GRIA4: variants seen among roughly 807,000 people sequenced by gnomAD.
GRIA4 encodes glutamate ionotropic receptor AMPA type subunit 4.
Under a neutral mutation model 104.0 loss-of-function variants are expected in GRIA4, and 34 were observed. The ratio of observed to expected loss-of-function variants is 0.33; its 90% CI spans 0.25 to 0.44. The LOEUF (loss-of-function observed/expected upper bound fraction) is 0.44, where lower values mean the gene tolerates loss of function less well. GRIA4 is among the 20% of genes least tolerant of loss of function. GRIA4 has a pLI of 1.00. For synonymous variants in GRIA4, 386 were observed against 381.9 expected (o/e 1.01, Z -0.13); for missense variants, 750 against 1,096.5 (o/e 0.68, Z 4.46).
chr11:105,910,534 AC>A lies in GRIA4; in HGVS notation c.1260del (p.Thr421GlnfsTer28). 1.3e-6 allele frequency: 2 copies of A among 1,516,200 alleles called. No individual in the cohort carries two copies. The highest frequency in any genetic ancestry group is 1.8e-6 in the Non-Finnish European group (2 of 1,090,624). The allele number at this position is 1,516,200 out of a possible 1,614,324, so 93.9% of individuals were successfully genotyped here. On this transcript the variant is annotated frameshift_variant, in exon 10 of 17. Coordinates refer to ENST00000282499, the MANE Select transcript of GRIA4 (RefSeq NM_000829.4). LOFTEE classifies it high-confidence loss of function. ...TATTGAGAACAGAACAGTGGTTGTA[AC>A]CACAATTATGGTAAGTGTTGGTCTA... ...AAIENRTVVV[T>X]TIMESPYVMY...
chr11:105,630,704 ATT>A (rs930677397), intron 3 of GRIA4, among the ~76,000 whole-genome samples: 17 of 152,154 alleles, frequency 1.1e-4, no homozygotes, highest in African/African-American at 3.4e-4. Flanking sequence ...ATGATTAATA[ATT>A]TTTTTTAAAA....
intron 12 of GRIA4, among the ~76,000 whole-genome samples, chr11:105,925,590 A>G (rs902301141): frequency 6.6e-6 from 1 of 152,108 alleles, no homozygotes; most frequent in African/African-American, 2.4e-5. Flanking sequence ...TTTGGGCACA[A>G]TGCAATTTGT....
intron 3 of GRIA4, among the ~76,000 whole-genome samples, chr11:105,742,602 A>ATG (rs1939382821): frequency 9.4e-6 from 1 of 105,976 alleles, no homozygotes; most frequent in South Asian, 3.3e-4. Context: ...GTATATATAT[A>ATG]TATGTGTGTG....
intron 3 of GRIA4, among the ~76,000 whole-genome samples, chr11:105,714,957 G>T (rs499945): frequency 0.54 from 81,530 of 151,836 alleles, 22,013 homozygotes; most frequent in Admixed American, 0.61. Context: ...TCCAGTGTAA[G>T]AGCTTCACCT....
chr11:105,616,137 T>C (rs1285790857), intron 3 of GRIA4, among the ~76,000 whole-genome samples: 3 of 151,768 alleles, frequency 2.0e-5, no homozygotes, highest in Non-Finnish European at 4.4e-5. Context: ...TGTTTAAAAC[T>C]TTTTAAACTT....
At chr11:105,700,851 C>G (rs995276411) in intron 3 of GRIA4, among the ~76,000 whole-genome samples, 3 of 152,122 alleles carry the variant, frequency 2.0e-5, no homozygotes, top group African/African-American at 7.2e-5. Flanking sequence ...ATTCACCTCA[C>G]AGTAAACAAG....
chr11:105,761,196 C>T (rs139981607), intron 4 of GRIA4, among the ~76,000 whole-genome samples: 66 of 152,138 alleles, frequency 4.3e-4, no homozygotes, highest in Admixed American at 7.2e-4. Flanking sequence ...GGAAATTGAA[C>T]CATTTTTAGA....
At chr11:105,853,534 A>G (rs1944895682) in intron 4 of GRIA4, among the ~76,000 whole-genome samples, 1 of 152,168 alleles carries the variant, frequency 6.6e-6, no homozygotes, top group African/African-American at 2.4e-5. Flanking sequence ...AGTATAAATT[A>G]AGTAGTTTTC....
chr11:105,766,723 A>C (rs928896189), intron 4 of GRIA4, among the ~76,000 whole-genome samples: 3 of 152,076 alleles, frequency 2.0e-5, no homozygotes, highest in Non-Finnish European at 4.4e-5. Context: ...GAAGCTGCCC[A>C]GTGGCTTCCT....
chr11:105,771,629 T>G (rs1941212380), intron 4 of GRIA4, among the ~76,000 whole-genome samples: 1 of 152,114 alleles, frequency 6.6e-6, no homozygotes. Flanking sequence ...AACTATGCAC[T>G]GAAGTAATTA....
chr11:105,854,559 G>A (rs552568372), intron 4 of GRIA4, among the ~76,000 whole-genome samples: 24 of 152,250 alleles, frequency 1.6e-4, no homozygotes, highest in East Asian at 5.8e-4. Context: ...AGTGCAAAGC[G>A]GGCAAAGGTG....
intron 4 of GRIA4, among the ~76,000 whole-genome samples, chr11:105,860,567 AACTG>A (rs1466394570): frequency 2.0e-5 from 3 of 152,222 alleles, no homozygotes; most frequent in Admixed American, 6.5e-5. Context: ...GTGAAAATAT[AACTG>A]ACTAACAGGC....
intron 3 of GRIA4, among the ~76,000 whole-genome samples, chr11:105,710,738 A>G (rs1459739335): frequency 6.6e-6 from 1 of 152,154 alleles, no homozygotes; most frequent in Non-Finnish European, 1.5e-5. Flanking sequence ...TCATTTCCCT[A>G]GAGTGTAAAA....
chr11:105,775,642 A>C (rs1941415512), intron 4 of GRIA4, among the ~76,000 whole-genome samples: 1 of 152,114 alleles, frequency 6.6e-6, no homozygotes, highest in African/African-American at 2.4e-5. Flanking sequence ...AATAAACCAA[A>C]TTTTAAAAAC....
At position 105,895,892 on chromosome 11, in the gene GRIA4, C is replaced by G. The variant is rs138148480; in HGVS notation, c.727-2377C>G. On this transcript the variant is annotated intron_variant, in intron 6 of 16. Coordinates refer to ENST00000282499, the MANE Select transcript of GRIA4 (RefSeq NM_000829.4). ...TACTGCTGCAATAAACATATGAGTG[C>G]TGATGTCTTTTTGACAAAATGATTT... Among the ~76,000 whole-genome samples the G allele has an allele frequency of 5.3e-5, 8 of 152,266 alleles. No homozygotes were observed. The East Asian group carries it at 1.5e-3, about 29-fold the overall frequency.
chr11:105,677,202 T>A (rs1483434313), intron 3 of GRIA4, among the ~76,000 whole-genome samples: 1 of 151,874 alleles, frequency 6.6e-6, no homozygotes, highest in African/African-American at 2.4e-5. Context: ...AGTTAATAAT[T>A]AAGCTGTAAA....
chr11:105,632,839 C>T (rs1951070423), intron 3 of GRIA4, among the ~76,000 whole-genome samples: 1 of 152,034 alleles, frequency 6.6e-6, no homozygotes, highest in South Asian at 2.1e-4. Flanking sequence ...AGGCATGGAC[C>T]TCTAAGCATT....
At chr11:105,816,685 T>C (rs997812903) in intron 4 of GRIA4, among the ~76,000 whole-genome samples, 1 of 152,078 alleles carries the variant, frequency 6.6e-6, no homozygotes, top group African/African-American at 2.4e-5. Flanking sequence ...TTATAATAGA[T>C]TATTTCCATC....
intron 13 of GRIA4, among the ~76,000 whole-genome samples, chr11:105,929,991 C>T (rs1432863432): frequency 6.6e-6 from 1 of 152,096 alleles, no homozygotes; most frequent in East Asian, 1.9e-4. Context: ...ATAATGACTT[C>T]TATCTTTTCA....
Sources: allele counts gnomAD v4.1 joint callset (sites outside exome capture counted in the v4.1 genomes callset), GRCh38; gene constraint gnomAD v4.1.1; transcripts MANE v1.5; gene names NCBI Gene and HGNC (gene_info 2026-07-23, HGNC 2026-07-21).